Variants in USF3 observed in about 807,000 individuals in gnomAD.
USF3 encodes the protein upstream transcription factor family member 3.
USF3 carries 29 observed loss-of-function variants against 157.5 expected under a neutral mutation model. The ratio of observed to expected loss-of-function variants is 0.18; its 90% CI spans 0.14 to 0.25. USF3 has a LOEUF of 0.25. Among genes scored for constraint, USF3 ranks in the 10% least tolerant of loss-of-function variants. The probability of loss-of-function intolerance (pLI) is 1.00; values close to 1 mark genes in which losing one functional copy is unlikely to be tolerated. For missense variants in USF3, 2,381 were observed against 2,667.6 expected, an observed-to-expected ratio of 0.89 and a Z score of 2.37; for synonymous variants, 893 against 941.4, an observed-to-expected ratio of 0.95 and a Z score of 0.94.
At position 113,667,551 on chromosome 3, in the gene USF3, G is replaced by T. The variant is rs566780443; in HGVS notation, c.159+2570C>A. Among the ~76,000 whole-genome samples the T allele has an allele frequency of 7.2e-5, 11 of 152,164 alleles. 1 individual carries two copies. The highest frequency in any genetic ancestry group is 2.7e-4 in the African/African-American group (11 of 41,432). On this transcript the variant is annotated intron_variant, in intron 5 of 6. Coordinates refer to ENST00000316407, the MANE Select transcript of USF3 (RefSeq NM_001009899.4). The stretch of plus-strand genomic sequence containing the variant: ...GCATAGTGTGTGCCATTGTGTTAAG[G>T]AAACAGAAAGCACAATTTTTAAAAA...
chr3:113,694,632 A>G (rs1707761609), intron 1 of USF3, among the ~76,000 whole-genome samples: 1 of 152,256 alleles, frequency 6.6e-6, no homozygotes, highest in Non-Finnish European at 1.5e-5. Flanking sequence ...TGGGGCACAC[A>G]GGAAGAAGAA....
chr3:113,685,298 C>T (rs1344902553), intron 1 of USF3, among the ~76,000 whole-genome samples: 1 of 152,182 alleles, frequency 6.6e-6, no homozygotes, highest in East Asian at 1.9e-4. Flanking sequence ...CTGGGACACA[C>T]CTGAAGCCAG....
Position 113,655,352 on chromosome 3 carries a change from G to C in USF3, c.6330C>G (p.Phe2110Leu). 6.2e-7 allele frequency: 1 copy of C among 1,614,116 alleles called. No homozygotes were observed. The highest frequency in any genetic ancestry group is 8.5e-7 in the Non-Finnish European group (1 of 1,179,968). ...GATGAGCAGGAGAGTATGGAGGATA[G>C]AAGGAGGGCAGAGTATTTTGCGGAT... ...PVDPQNTLPS[F>L]YPPYSPAHPT... is the part of the protein sequence containing the mutation. Residue 2110 changes from phenylalanine (F) to leucine (L), a missense_variant, in exon 7 of 7, where the codon TTC becomes TTG. Phe to Leu is a conservative substitution (Grantham distance 22). Around this residue, in one of 6 missense-constraint regions of USF3, gnomAD observed 770 missense variants for 824.2 expected, o/e 0.93. Transcript: ENST00000316407.
At chr3:113,669,516 T>C (rs1707099962) in intron 5 of USF3, among the ~76,000 whole-genome samples, 1 of 152,260 alleles carries the variant, frequency 6.6e-6, no homozygotes, top group East Asian at 1.9e-4. Flanking sequence ...AAGATATCAG[T>C]TTATTTTTTA....
Position 113,670,689 on chromosome 3 carries a change from G to C in USF3, c.77-486C>G, listed in dbSNP as rs952759226. 2.0e-5 allele frequency among the ~76,000 whole-genome samples: 3 copies of C among 152,112 alleles called. No homozygotes were observed. The East Asian group carries it at 5.8e-4, about 29-fold the overall frequency. ...TATCTACTATAAATAACTATAATAA[G>C]TAAAATGTCTAAGATGTCATTTTTT... is the stretch of plus-strand genomic sequence containing the variant. On this transcript the variant is annotated intron_variant, in intron 4 of 6. Transcript: ENST00000316407.
Position 113,675,380 on chromosome 3 carries a change from C to A in USF3, c.-18-484G>T, listed in dbSNP as rs144431989. Among the ~76,000 whole-genome samples the A allele has an allele frequency of 3.3e-5, 5 of 152,282 alleles. No individual in the cohort carries two copies. The East Asian group carries it at 9.6e-4, about 29-fold the overall frequency. ...TATTCCATACATGAAAGCAAGCATT[C>A]ATTCACTCACTCATTTGTTGGGCAT... is the stretch of plus-strand genomic sequence containing the variant. On this transcript the variant is annotated intron_variant, in intron 2 of 6. Coordinates refer to ENST00000316407, the MANE Select transcript of USF3 (RefSeq NM_001009899.4).
At position 113,649,212 on chromosome 3, in the gene USF3, GAAATT is replaced by G. The variant is rs1324376548; in HGVS notation, c.*5727_*5731del. On this transcript the variant is annotated 3_prime_UTR_variant, in exon 7 of 7. Coordinates refer to ENST00000316407, the MANE Select transcript of USF3 (RefSeq NM_001009899.4). ...TAGCTGTATACACAACTGAGGGAAA[GAAATT>G]AAAGATCATCTTTTCTAAAAATGTG... is the stretch of plus-strand genomic sequence containing the variant. The G allele has an allele frequency of 5.3e-5, 8 of 152,234 alleles. No individual in the cohort carries two copies. Among genetic ancestry groups the G allele is most frequent in the African/African-American group, 1.9e-4 (8 of 41,412 alleles). The allele number at this position is 152,234 out of a possible 1,614,324, so 9.4% of individuals were successfully genotyped here. A position where few individuals can be genotyped will look rare whatever the true frequency, so the allele number is the denominator to read the frequency against.
chr3:113,689,187 A>G (rs1016018212), intron 1 of USF3, among the ~76,000 whole-genome samples: 8 of 152,322 alleles, frequency 5.3e-5, no homozygotes, highest in African/African-American at 1.7e-4. Context: ...GGTACTGGCT[A>G]TCTGGTTTTG....
At chr3:113,672,149 T>C (rs1297841911) in intron 4 of USF3, among the ~76,000 whole-genome samples, 1 of 148,696 alleles carries the variant, frequency 6.7e-6, no homozygotes, top group African/African-American at 2.5e-5. Context: ...TTTTTTTTCT[T>C]TTTTTTTTTT....
At chr3:113,667,702 A>G (rs1047309390) in intron 5 of USF3, among the ~76,000 whole-genome samples, 2 of 152,146 alleles carry the variant, frequency 1.3e-5, no homozygotes, top group Non-Finnish European at 2.9e-5. Flanking sequence ...CCCCATCTCT[A>G]CTAAAAATAC....
chr3:113,680,101 A>G (rs1312132544), intron 1 of USF3, among the ~76,000 whole-genome samples: 1 of 100,490 alleles, frequency 1.0e-5, no homozygotes, highest in African/African-American at 3.9e-5. Context: ...TTGGTTTGGT[A>G]TCAGGGTAAC....
At position 113,654,857 on chromosome 3, in the gene USF3, C is replaced by T. The variant is rs1947324131; in HGVS notation, c.*87G>A. On this transcript the variant is annotated 3_prime_UTR_variant, in exon 7 of 7. Transcript: ENST00000316407. ...ATTATACAGACACACACACACAATC[C>T]TTCTCTTCATGTACATGTCTGTGCA... 7.2e-7 allele frequency: 1 copy of T among 1,395,290 alleles called. No individual in the cohort carries two copies. The allele number at this position is 1,395,290 out of a possible 1,614,324, so 86.4% of individuals were successfully genotyped here.
intron 1 of USF3, among the ~76,000 whole-genome samples, chr3:113,683,245 CTAGTTTTTAATCTATAAAAACTA>C (rs1221373562): frequency 3.4e-3 from 509 of 150,166 alleles, no homozygotes; most frequent in East Asian, 0.021. Flanking sequence ...GATAAAAACT[CTAGTTTTTAATCTATAAAAACTA>C]TTATCTAGTT....
chr3:113,677,874 T>C (rs994050540), intron 1 of USF3, among the ~76,000 whole-genome samples: 2 of 152,164 alleles, frequency 1.3e-5, no homozygotes, highest in African/African-American at 2.4e-5. Context: ...TTGCATTGCA[T>C]GTGTTCTTTA....
intron 3 of USF3, among the ~76,000 whole-genome samples, chr3:113,674,589 A>G (rs1042845677): frequency 2.6e-5 from 4 of 152,130 alleles, no homozygotes; most frequent in Admixed American, 2.6e-4. Context: ...GTGATCCACC[A>G]GCCTCGGCCT....
intron 1 of USF3, among the ~76,000 whole-genome samples, chr3:113,690,124 A>G (rs2107963699): frequency 6.6e-6 from 1 of 152,338 alleles, no homozygotes; most frequent in African/African-American, 2.4e-5. Flanking sequence ...CTTTTCTCTT[A>G]AGAGATCTAT....
chr3:113,660,633 G>C lies in USF3; in HGVS notation c.1049C>G (p.Thr350Ser). ...TTTVCSQPPR[T>S]AGDSSPMSIS... ...GCTCATTGGAGAAGAATCACCTGCAGTTCTGGGAGGCTGCGAGCAGACTGT... is the reference window on the plus strand; with the variant it reads ...GCTCATTGGAGAAGAATCACCTGCACTTCTGGGAGGCTGCGAGCAGACTGT... The change falls in exon 7 of 7, where the codon ACT becomes AGT. Residue 350 changes from threonine (T) to serine (S), a missense_variant. By Grantham distance (58) the Thr-to-Ser change is moderately conservative. Coordinates refer to ENST00000316407, the MANE Select transcript of USF3 (RefSeq NM_001009899.4). The C allele has an allele frequency of 6.2e-7, 1 of 1,614,178 alleles. No individual in the cohort carries two copies. The highest frequency in any genetic ancestry group is 8.5e-7 in the Non-Finnish European group (1 of 1,180,026).
rs1285507139 is a variant in USF3, at chr3:113,657,583, T to A, written c.4099A>T (p.Ile1367Phe). The A allele has an allele frequency of 6.2e-7, 1 of 1,614,110 alleles. No homozygotes were observed. Among genetic ancestry groups the A allele is most frequent in the Non-Finnish European group, 8.5e-7 (1 of 1,180,028 alleles). ...ACCATCATTTGAGTTTGGTCAGAAA[T>A]GGTGTCTGGAGTTCTGCTCATCAGG... Reference protein sequence around the residue: ...MSLMSRTPDTISDQTQMMVSQ... With the variant: ...MSLMSRTPDTFSDQTQMMVSQ... The change falls in exon 7 of 7, where the codon ATT becomes TTT. Residue 1367 changes from isoleucine to phenylalanine, a missense_variant. This residue lies in a region of USF3 where 1,435 missense variants were observed against 1,550.9 expected (regional missense o/e 0.93). Transcript: ENST00000316407.
chr3:113,667,555 C>G (rs1300345496), intron 5 of USF3, among the ~76,000 whole-genome samples: 2 of 152,114 alleles, frequency 1.3e-5, no homozygotes, highest in African/African-American at 4.8e-5. Context: ...GTTAAGGAAA[C>G]AGAAAGCACA....
Sources: gnomAD v4.1 joint callset for allele counts (sites outside exome capture counted in the v4.1 genomes callset) on GRCh38, gnomAD v4.1.1 for gene constraint, gnomAD v4.1.1 regional missense constraint, MANE v1.5 for transcripts, NCBI Gene and HGNC (gene_info 2026-07-23, HGNC 2026-07-21) for gene names.